The following CEP57L1 variants were observed in gnomAD, a reference collection of about 807,000 sequenced individuals.
CEP57L1 encodes the protein centrosomal protein 57 like 1.
In CEP57L1, 37 loss-of-function variants were observed where a neutral mutation model predicts 61.0. The observed-to-expected ratio is 0.61, with a 90% CI of 0.47 to 0.80. CEP57L1 has a LOEUF of 0.80. Ranked by LOEUF, CEP57L1 falls within the 30% of genes least tolerant of loss-of-function variation. The pLI, the probability that CEP57L1 is intolerant of heterozygous loss-of-function variation, is 0.00. For synonymous variants in CEP57L1, 137 were observed against 162.3 expected (o/e 0.84, Z 1.19); for missense variants, 422 against 524.7 (o/e 0.80, Z 1.91).
chr6:109,158,953 T>G, intron 7 of CEP57L1, 72 bp from the exon 8 acceptor site: 2 of 1,462,336 alleles, frequency 1.4e-6, no homozygotes, highest in Non-Finnish European at 1.9e-6. Flanking sequence ...TGTTGAGTTT[T>G]GAGAGTTCTT....
At chr6:109,124,385 C>T (rs1773313836) in intron 1 of CEP57L1, among the ~76,000 whole-genome samples, 1 of 152,142 alleles carries the variant, frequency 6.6e-6, no homozygotes, top group African/African-American at 2.4e-5. Context: ...GCTCAAAACA[C>T]TGGATTCTCT....
chr6:109,172,177 AAT>A lies in CEP57L1; in HGVS notation c.*9208_*9209del, dbSNP rs1774435322. On this transcript the variant is annotated 3_prime_UTR_variant, in exon 11 of 11. Coordinates refer to ENST00000517392, the MANE Select transcript of CEP57L1 (RefSeq NM_001271852.3). ...CTGTGAAGTCATGTAGACAGACCAT[AAT>A]TCTCTCAGCAGACAGACCATAATTC... Among the ~76,000 whole-genome samples the A allele has an allele frequency of 8.5e-6, 1 of 116,992 alleles. No homozygotes were observed. The highest frequency in any genetic ancestry group is 3.1e-4 in the South Asian group (1 of 3,256). The allele number at this position is 116,992 out of a possible 152,430, so 76.8% of individuals were successfully genotyped here. A position where few individuals can be genotyped will look rare whatever the true frequency, so the allele number is the denominator to read the frequency against.
chr6:109,145,909 A>C (rs1417474325), intron 2 of CEP57L1, among the ~76,000 whole-genome samples: 1 of 151,958 alleles, frequency 6.6e-6, no homozygotes, highest in East Asian at 1.9e-4. Flanking sequence ...TAAGCTGTGC[A>C]AATTCTTTTC....
intron 1 of CEP57L1, among the ~76,000 whole-genome samples, chr6:109,110,987 T>G (rs1771541589): frequency 6.6e-6 from 1 of 152,226 alleles, no homozygotes; most frequent in Non-Finnish European, 1.5e-5. Context: ...TCTTTTTGCT[T>G]AGGATTGTCT....
chr6:109,103,773 C>T (rs574873478), intron 1 of CEP57L1, among the ~76,000 whole-genome samples: 3 of 152,100 alleles, frequency 2.0e-5, no homozygotes, highest in South Asian at 2.1e-4. Flanking sequence ...GATTTGTGAG[C>T]GAGCTCTAGC....
intron 10 of CEP57L1, among the ~76,000 whole-genome samples, chr6:109,162,374 T>A (rs954708299): frequency 2.0e-5 from 3 of 152,090 alleles, no homozygotes; most frequent in Non-Finnish European, 4.4e-5. Flanking sequence ...TAATATCTTA[T>A]ATACAACCTT....
At chr6:109,157,728 A>G (rs1251264517) in intron 7 of CEP57L1, 1 of 152,218 alleles carries the variant, frequency 6.6e-6, no homozygotes, top group Non-Finnish European at 1.5e-5. Context: ...CCATGTTAAG[A>G]GTTTGAACTT....
At chr6:109,147,181 G>A (rs1772060297) in intron 3 of CEP57L1, among the ~76,000 whole-genome samples, 2 of 151,948 alleles carry the variant, frequency 1.3e-5, no homozygotes, top group African/African-American at 4.8e-5. Flanking sequence ...TAAGATTTTA[G>A]ACAAGTTGTG....
intron 1 of CEP57L1, 26 bp from the exon 2 acceptor site, chr6:109,145,193 C>T (rs201272203): frequency 5.4e-5 from 75 of 1,383,432 alleles, no homozygotes; most frequent in South Asian, 2.4e-4. Context: ...AAGCATGATA[C>T]TATATCATTC....
At chr6:109,098,215 T>C (rs1011680060) in intron 1 of CEP57L1, among the ~76,000 whole-genome samples, 1 of 152,036 alleles carries the variant, frequency 6.6e-6, no homozygotes, top group Non-Finnish European at 1.5e-5. Context: ...TAGCACAATC[T>C]TGGCTCACTG....
Position 109,173,810 on chromosome 6 carries a change from G to A in CEP57L1, c.*10840G>A, listed in dbSNP as rs1337618034. On this transcript the variant is annotated 3_prime_UTR_variant, in exon 11 of 11. Coordinates refer to ENST00000517392, the MANE Select transcript of CEP57L1 (RefSeq NM_001271852.3). ...TTTCAATATGTCACTCAAAAGCCAT[G>A]TGTTGGGGCTGAACGTAGTGGCTCA... Among the ~76,000 whole-genome samples the A allele has an allele frequency of 4.6e-5, 7 of 151,794 alleles. No homozygotes were observed. In the South Asian group the frequency reaches 1.0e-3, roughly 22 times the overall value.
chr6:109,145,303 A>G lies in CEP57L1; in HGVS notation c.82A>G (p.Asn28Asp). The change falls in exon 2 of 11, where the codon AAT (asparagine) becomes GAT (aspartate). Residue 28 changes from asparagine to aspartate, a missense_variant. By Grantham distance (23) the Asn-to-Asp change is conservative. Transcript: ENST00000517392. ...ERVFVPSFTQ[N>D]EPSQNCHPAN... ...AGTATTTGTTCCCTCATTCACCCAG[A>G]ATGAACCATCTCAGAATTGCCATCC... is the stretch of plus-strand genomic sequence containing the variant. The G allele has an allele frequency of 6.2e-7, 1 of 1,611,198 alleles. No individual in the cohort carries two copies. The highest frequency in any genetic ancestry group is 1.3e-5 in the African/African-American group (1 of 74,960).
chr6:109,165,414 CAAA>C lies in CEP57L1; in HGVS notation c.*2458_*2460del, dbSNP rs75804779. On this transcript the variant is annotated 3_prime_UTR_variant, in exon 11 of 11. Transcript: ENST00000517392. ...ATAAATATTTTTTGAATCTGAGTGG[CAAA>C]AAAAAAAAAAAAATGTAGAACACAT... Among the ~76,000 whole-genome samples the C allele has an allele frequency of 1.0e-4, 11 of 108,638 alleles. No homozygotes were observed. Among genetic ancestry groups the C allele is most frequent in the African/African-American group, 1.0e-4 (3 of 29,176 alleles). 71.3% of individuals were successfully genotyped at this position (108,638 alleles called of 152,430 possible). A position where few individuals can be genotyped will look rare whatever the true frequency, so the allele number is the denominator to read the frequency against.
In CEP57L1 at chr6:109,171,732, A is replaced by C. The variant is rs1774418103; in HGVS notation, c.*8762A>C. On this transcript the variant is annotated 3_prime_UTR_variant, in exon 11 of 11. Coordinates refer to ENST00000517392, the MANE Select transcript of CEP57L1 (RefSeq NM_001271852.3). ...AATTAAAAAATGAAAAAACCTACAA[A>C]ATTACCAAAGTCACCAAGTTTAGTT... is the stretch of plus-strand genomic sequence containing the variant. Among the ~76,000 whole-genome samples the C allele has an allele frequency of 6.6e-6, 1 of 152,186 alleles. No individual in the cohort carries two copies. The highest frequency in any genetic ancestry group is 1.5e-5 in the Non-Finnish European group (1 of 68,028).
At position 109,166,939 on chromosome 6, in the gene CEP57L1, A is replaced by G. The variant is rs141385617; in HGVS notation, c.*3969A>G. Among the ~76,000 whole-genome samples the G allele has an allele frequency of 4.0e-3, 608 of 152,326 alleles. 3 individuals carry two copies. Among genetic ancestry groups the G allele is most frequent in the Middle Eastern group, 0.014 (4 of 294 alleles). On this transcript the variant is annotated 3_prime_UTR_variant, in exon 11 of 11. Transcript: ENST00000517392. ...GAACATTTAATTGTAGGTGACGTGT[A>G]GATAAGTATAAGCTGACACTCAGAC...
At chr6:109,095,199 C>T (rs1359818523), upstream of CEP57L1, 4 of 985,392 alleles carry the variant, frequency 4.1e-6, no homozygotes, top group Non-Finnish European at 4.8e-6. Flanking sequence ...CGCCCTGAGG[C>T]GGTTTCCGTT....
chr6:109,147,182 A>G (rs973810062), intron 3 of CEP57L1, among the ~76,000 whole-genome samples: 4 of 152,136 alleles, frequency 2.6e-5, no homozygotes, highest in African/African-American at 9.6e-5. Context: ...AAGATTTTAG[A>G]CAAGTTGTGT....
intron 1 of CEP57L1, among the ~76,000 whole-genome samples, chr6:109,142,974 TCTCTC>T (rs1161380183): frequency 1.4e-5 from 2 of 143,344 alleles, no homozygotes; most frequent in African/African-American, 2.6e-5. Context: ...TCTCTCTCTC[TCTCTC>T]TCTCTCTCTC....
intron 1 of CEP57L1, among the ~76,000 whole-genome samples, chr6:109,125,781 A>G (rs1432166635): frequency 1.3e-5 from 2 of 151,772 alleles, no homozygotes. Context: ...TAAGGATAGT[A>G]TACTTTTATC....
Sources: allele counts gnomAD v4.1 joint callset (sites outside exome capture counted in the v4.1 genomes callset), GRCh38; gene constraint gnomAD v4.1.1; transcripts MANE v1.5; gene names NCBI Gene and HGNC (gene_info 2026-07-23, HGNC 2026-07-21).